MAPK8IP2: variants seen among roughly 807,000 people sequenced by gnomAD.
The protein encoded by MAPK8IP2 is C-Jun-amino-terminal kinase-interacting protein 2.
In MAPK8IP2, 15 loss-of-function variants were observed where a neutral mutation model predicts 75.6. The ratio of observed to expected loss-of-function variants is 0.20; its 90% CI spans 0.13 to 0.31. MAPK8IP2 has a LOEUF of 0.31. Among genes scored for constraint, MAPK8IP2 ranks in the 10% least tolerant of loss-of-function variants. The probability of loss-of-function intolerance (pLI) is 1.00; values close to 1 mark genes in which losing one functional copy is unlikely to be tolerated. For missense variants in MAPK8IP2, 1,089 were observed against 1,211.2 expected (o/e 0.90, Z 1.50); for synonymous variants, 632 against 554.5 (o/e 1.14, Z -1.96).
rs764889814 is a variant in MAPK8IP2, at chr22:50,600,803, G to A, written c.-16G>A. 1.5e-5 allele frequency: 19 copies of A among 1,256,258 alleles called. No individual in the cohort carries two copies. The highest frequency in any genetic ancestry group is 1.9e-5 in the Non-Finnish European group (18 of 972,728). The allele number at this position is 1,256,258 out of a possible 1,614,324, so 77.8% of individuals were successfully genotyped here. A position where few individuals can be genotyped will look rare whatever the true frequency, so the allele number is the denominator to read the frequency against. ...CCCGCACCCCCCGCCGCAGTCGCGGGCCTCTCCCGGAGAAGATGGCGGATC... is the reference window on the plus strand; with the variant it reads ...CCCGCACCCCCCGCCGCAGTCGCGGACCTCTCCCGGAGAAGATGGCGGATC... On this transcript the variant is annotated 5_prime_UTR_variant, in exon 1 of 12. Coordinates refer to ENST00000329492, the MANE Select transcript of MAPK8IP2 (RefSeq NM_012324.6).
In MAPK8IP2 at chr22:50,603,930, C is replaced by A; in HGVS notation, c.631C>A (p.Pro211Thr). The change falls in exon 5 of 12, where the codon CCT becomes ACT. Residue 211 changes from proline to threonine, a missense_variant. By Grantham distance (38) the Pro-to-Thr change is conservative. Around this residue, in one of 2 missense-constraint regions of MAPK8IP2, gnomAD observed 960 missense variants for 1,009.6 expected, o/e 0.95. Coordinates refer to ENST00000329492, the MANE Select transcript of MAPK8IP2 (RefSeq NM_012324.6). ...RPGCDCEGNRPAEPPAPGGTS... is the reference protein window; with the variant it reads ...RPGCDCEGNRTAEPPAPGGTS... ...GGGTTGCGACTGCGAAGGGAACCGG[C>A]CTGCGGAACCCCCTGCGCCAGGGGG... The A allele has an allele frequency of 6.5e-7, 1 of 1,540,658 alleles. No individual in the cohort carries two copies. The highest frequency in any genetic ancestry group is 8.7e-7 in the Non-Finnish European group (1 of 1,147,188).
chr22:50,603,410 C>A lies in MAPK8IP2; in HGVS notation c.359C>A (p.Ala120Asp). 1 of 1,558,740 alleles carries A rather than the reference C, an allele frequency of 6.4e-7. No homozygotes were observed. The change falls in exon 3 of 12, where the codon GCC (alanine) becomes GAC (aspartate). Residue 120 changes from alanine to aspartate, a missense_variant. Coordinates refer to ENST00000329492, the MANE Select transcript of MAPK8IP2 (RefSeq NM_012324.6). The stretch of plus-strand genomic sequence containing the variant: ...GGAGACCCTGGCTCAGAGGCACCTG[C>A]CCCCGGGCCCCTTATCCCCTCCCCT... ...EGGDPGSEAP[A>D]PGPLIPSPSV...
Position 50,607,000 on chromosome 22 carries a change from C to CT in MAPK8IP2, c.2303+10dup. ...CATCCCCGCAACAGCTGGTGAGAGT[C>CT]TGACCGTCCCCGAGTCCCCCAACCG... On this transcript the variant is annotated intron_variant, in intron 10 of 11. Coordinates refer to ENST00000329492, the MANE Select transcript of MAPK8IP2 (RefSeq NM_012324.6). The CT allele has an allele frequency of 6.2e-7, 1 of 1,612,114 alleles. No homozygotes were observed. The highest frequency in any genetic ancestry group is 8.5e-7 in the Non-Finnish European group (1 of 1,178,334).
At chr22:50,609,907 T>C in intron 10 of MAPK8IP2, 2 of 584,740 alleles carry the variant, frequency 3.4e-6, no homozygotes, top group South Asian at 2.8e-5. Flanking sequence ...TGCTCTGTGG[T>C]CCTGGGGCAG....
chr22:50,603,084 C>T (rs754126515), intron 2 of MAPK8IP2, 139 bp from the exon 3 acceptor site: 2 of 1,549,774 alleles, frequency 1.3e-6, no homozygotes, highest in Non-Finnish European at 1.7e-6. Flanking sequence ...AAAACATCGC[C>T]CTGTAGACAG....
At chr22:50,603,188 C>T in intron 2 of MAPK8IP2, 35 bp from the exon 3 acceptor site, 2 of 1,612,422 alleles carry the variant, frequency 1.2e-6, no homozygotes, top group Non-Finnish European at 8.5e-7. Context: ...CTGCTGCCCT[C>T]TGGCCCAGCC....
In MAPK8IP2 at chr22:50,604,789, C is replaced by T. The variant is rs544716543; in HGVS notation, c.1490C>T (p.Ser497Leu). The T allele has an allele frequency of 3.3e-5, 51 of 1,546,790 alleles. No homozygotes were observed. Among genetic ancestry groups the T allele is most frequent in the African/African-American group, 3.1e-4 (23 of 73,120 alleles). Residue 497 changes from serine to leucine, a missense_variant, in exon 5 of 12, where the codon TCG becomes TTG. Coordinates refer to ENST00000329492, the MANE Select transcript of MAPK8IP2 (RefSeq NM_012324.6). Reference sequence around the variant, plus strand: ...CCCGGGGGCAGGGGCACGGGCCCCTCGGCGCCGCGGGACGCGTCGCTGGTG... The same window carrying T: ...CCCGGGGGCAGGGGCACGGGCCCCTTGGCGCCGCGGGACGCGTCGCTGGTG... ...GSPGGRGTGP[S>L]APRDASLVYD...
chr22:50,605,359 G>C lies in MAPK8IP2; in HGVS notation c.1766-9G>C, dbSNP rs1428071887. ...GTCTCCCCCGCCTCTGTCCTGCCGG[G>C]TCTCCCAGGCACCGAGTCCTTTGGC... On this transcript the variant is annotated splice_polypyrimidine_tract_variant and intron_variant, in intron 5 of 11. Transcript: ENST00000329492. 6.2e-7 allele frequency: 1 copy of C among 1,612,796 alleles called. No individual in the cohort carries two copies. Among genetic ancestry groups the C allele is most frequent in the Non-Finnish European group, 8.5e-7 (1 of 1,179,700 alleles).
At chr22:50,609,094 C>T (rs2071101883) in intron 10 of MAPK8IP2, among the ~76,000 whole-genome samples, 1 of 152,130 alleles carries the variant, frequency 6.6e-6, no homozygotes, top group Non-Finnish European at 1.5e-5. Flanking sequence ...CCCCAGACCC[C>T]CCGTCCCCGG....
In MAPK8IP2 at chr22:50,604,537, C is replaced by A. The variant is rs2071007600; in HGVS notation, c.1238C>A (p.Thr413Lys). The A allele has an allele frequency of 8.6e-7, 1 of 1,169,198 alleles. No homozygotes were observed. The highest frequency in any genetic ancestry group is 1.1e-6 in the Non-Finnish European group (1 of 951,676). 72.4% of individuals were successfully genotyped at this position (1,169,198 alleles called of 1,614,324 possible). Residue 413 changes from threonine to lysine, a missense_variant, in exon 5 of 12, where the codon ACG becomes AAG. This residue lies in a region of MAPK8IP2 where 960 missense variants were observed against 1,009.6 expected (regional missense o/e 0.95). Transcript: ENST00000329492. Reference sequence around the variant, plus strand: ...GGCGTGGAGCTGGTGGACATGGAGACGCTGTGCGCGCCGCCGCCGCCCGCG... The same window carrying A: ...GGCGTGGAGCTGGTGGACATGGAGAAGCTGTGCGCGCCGCCGCCGCCCGCG... ...PGGVELVDME[T>K]LCAPPPPAPA... is the part of the protein sequence containing the mutation.
At position 50,611,082 on chromosome 22, in the gene MAPK8IP2, C is replaced by G. The variant is rs1266233960; in HGVS notation, c.*303C>G. 1.1e-5 allele frequency: 4 copies of G among 358,844 alleles called. No homozygotes were observed. Among genetic ancestry groups the G allele is most frequent in the Non-Finnish European group, 2.0e-5 (4 of 197,730 alleles). 22.2% of individuals were successfully genotyped at this position (358,844 alleles called of 1,614,324 possible). On this transcript the variant is annotated 3_prime_UTR_variant, in exon 12 of 12. Transcript: ENST00000329492. The surrounding 1 kb of genome is among the most constrained non-coding windows in gnomAD (Gnocchi z 5.5). ...CCTGGTGTCTCTGCCCCTCTCTGTG[C>G]CTGCAAACCTTATCCTCTATTCTTC...
rs2146682933 is a variant in MAPK8IP2, at chr22:50,604,341, C to T, written c.1042C>T (p.Pro348Ser). The T allele has an allele frequency of 1.3e-6, 2 of 1,535,412 alleles. No individual in the cohort carries two copies. The highest frequency in any genetic ancestry group is 1.7e-6 in the Non-Finnish European group (2 of 1,146,632). ...EPDLSEDADS[P>S]WLLSNLVSRM... is the part of the protein sequence containing the mutation. Reference sequence around the variant, plus strand: ...GGACCTCAGCGAGGACGCGGACTCGCCCTGGCTGCTCAGCAACCTGGTGAG... The same window carrying T: ...GGACCTCAGCGAGGACGCGGACTCGTCCTGGCTGCTCAGCAACCTGGTGAG... The change falls in exon 5 of 12, where the codon CCC (proline) becomes TCC (serine). Residue 348 changes from proline (P) to serine (S), a missense_variant. By Grantham distance (74) the Pro-to-Ser change is moderately conservative. This residue lies in a region of MAPK8IP2 where 960 missense variants were observed against 1,009.6 expected (regional missense o/e 0.95). Transcript: ENST00000329492.
chr22:50,601,460 CTCCCCCTCCCCTGCTCTG>C, intron 1 of MAPK8IP2: 1 of 260,858 alleles, frequency 3.8e-6, no homozygotes, highest in Non-Finnish European at 7.6e-6. Flanking sequence ...CGCGTTGCAG[CTCCCCCTCCCCTGCTCTG>C]CAAGACCCTG....
chr22:50,610,835 A>T lies in MAPK8IP2; in HGVS notation c.*56A>T, dbSNP rs1038006675. 6.8e-7 allele frequency: 1 copy of T among 1,470,830 alleles called. No homozygotes were observed. Among genetic ancestry groups the T allele is most frequent in the African/African-American group, 1.4e-5 (1 of 71,462 alleles). The allele number at this position is 1,470,830 out of a possible 1,614,324, so 91.1% of individuals were successfully genotyped here. A position where few individuals can be genotyped will look rare whatever the true frequency, so the allele number is the denominator to read the frequency against. On this transcript the variant is annotated 3_prime_UTR_variant, in exon 12 of 12. Transcript: ENST00000329492. The surrounding 1 kb of genome is among the most constrained non-coding windows in gnomAD (Gnocchi z 4.3). The stretch of plus-strand genomic sequence containing the variant: ...GCTCCAGGCGCAGCTGGGGCTGAGG[A>T]TGTCTCAAGAGGCCACCATGGCTTT...
At chr22:50,605,085 A>G (rs2071025145) in intron 5 of MAPK8IP2, 21 bp downstream of exon 5, 1 of 1,611,628 alleles carries the variant, frequency 6.2e-7, no homozygotes, top group Non-Finnish European at 8.5e-7. Flanking sequence ...GGTGGGGAAA[A>G]GGGGGGTGGC....
At chr22:50,601,730 C>T in intron 1 of MAPK8IP2, 59 bp from the exon 2 acceptor site, 2 of 1,350,448 alleles carry the variant, frequency 1.5e-6, no homozygotes, top group Non-Finnish European at 2.1e-6. Context: ...CTCCTCAGGG[C>T]CAGTTGCCAG....
rs1163739567 is a variant in MAPK8IP2, at chr22:50,605,894, G to A, written c.2084G>A (p.Cys695Tyr). The change falls in exon 8 of 12, where the codon TGC (cysteine) becomes TAC (tyrosine). Residue 695 changes from cysteine (C) to tyrosine (Y), a missense_variant. Around this residue, in one of 2 missense-constraint regions of MAPK8IP2, gnomAD observed 129 missense variants for 201.7 expected, o/e 0.64. Coordinates refer to ENST00000329492, the MANE Select transcript of MAPK8IP2 (RefSeq NM_012324.6). The stretch of plus-strand genomic sequence containing the variant: ...TTCCTGGGCTCCGTGGAGGTGCCCT[G>A]CCACCAGGGCAACGGCATCCTGTGT... ...VQFLGSVEVP[C>Y]HQGNGILCAA... 1 of 1,585,668 alleles carries A rather than the reference G, an allele frequency of 6.3e-7. No homozygotes were observed. Among genetic ancestry groups the A allele is most frequent in the Non-Finnish European group, 8.6e-7 (1 of 1,167,682 alleles).
Position 50,610,898 on chromosome 22 carries a change from T to G in MAPK8IP2, c.*119T>G. 1 of 843,048 alleles carries G rather than the reference T, an allele frequency of 1.2e-6. No homozygotes were observed. The highest frequency in any genetic ancestry group is 1.8e-5 in the South Asian group (1 of 56,816). 52.2% of individuals were successfully genotyped at this position (843,048 alleles called of 1,614,324 possible). A position where few individuals can be genotyped will look rare whatever the true frequency, so the allele number is the denominator to read the frequency against. ...ATTGGGGGGACATGGGACCTTACGC[T>G]TGTGGGGGTCTGCGGGCTGGGAACT... On this transcript the variant is annotated 3_prime_UTR_variant, in exon 12 of 12. Transcript: ENST00000329492. This position sits in a 1 kb window ranked among gnomAD's most constrained non-coding sequence, Gnocchi z 4.3.
intron 5 of MAPK8IP2, 97 bp downstream of exon 5, chr22:50,605,161 AG>A: frequency 2.1e-6 from 3 of 1,433,020 alleles, no homozygotes; most frequent in African/African-American, 2.8e-5. Context: ...GGGCCACCTG[AG>A]GGTCTGGCTG....
Sources: allele counts gnomAD v4.1 joint callset (sites outside exome capture counted in the v4.1 genomes callset), GRCh38; gene constraint gnomAD v4.1.1; regional missense constraint gnomAD v4.1.1; non-coding constraint Gnocchi (gnomAD v3.1); transcripts MANE v1.5; gene names NCBI Gene and HGNC (gene_info 2026-07-23, HGNC 2026-07-21).